The following CCDC148 variants were observed in gnomAD, a reference collection of about 807,000 sequenced individuals.
The protein encoded by CCDC148 is coiled-coil domain-containing protein 148.
In CCDC148, 89 loss-of-function variants were observed where a neutral mutation model predicts 85.7. The ratio of observed to expected loss-of-function variants is 1.04; its 90% CI spans 0.87 to 1.24. The LOEUF is 1.24. Among genes scored for constraint, CCDC148 ranks in the 50% most tolerant of loss-of-function variants. The pLI is 0.00. For synonymous variants in CCDC148, 230 were observed against 213.9 expected (o/e 1.08, Z -0.66); for missense variants, 692 against 671.7 (o/e 1.03, Z -0.33).
chr2:158,434,715 G>T (rs1275546166), intron 1 of CCDC148, among the ~76,000 whole-genome samples: 1 of 152,056 alleles, frequency 6.6e-6, no homozygotes, highest in African/African-American at 2.4e-5. Flanking sequence ...CTGCAAAGAA[G>T]CTAAAAACCT....
intron 7 of CCDC148, among the ~76,000 whole-genome samples, chr2:158,332,908 T>C (rs1243607022): frequency 6.6e-6 from 1 of 151,956 alleles, no homozygotes; most frequent in Non-Finnish European, 1.5e-5. Context: ...TTGTGTCTAC[T>C]TGATTCTTCT....
chr2:158,433,925 A>T (rs1185002882), intron 1 of CCDC148, among the ~76,000 whole-genome samples: 1 of 152,144 alleles, frequency 6.6e-6, no homozygotes, highest in African/African-American at 2.4e-5. Flanking sequence ...AGGCTGGGGG[A>T]GGGGCGTCCG....
At chr2:158,288,495 A>G (rs1690736600) in intron 9 of CCDC148, 1 of 152,652 alleles carries the variant, frequency 6.6e-6, no homozygotes, top group Non-Finnish European at 1.5e-5. Flanking sequence ...CTCAAGTTCA[A>G]AGTTCCACAA....
intron 11 of CCDC148, among the ~76,000 whole-genome samples, chr2:158,209,478 T>C (rs527512806): frequency 7.2e-5 from 11 of 152,196 alleles, no homozygotes; most frequent in Non-Finnish European, 1.6e-4. Flanking sequence ...TACTGTGTGA[T>C]GTACTGGAGG....
At chr2:158,408,215 A>ATTT (rs1686107407) in intron 1 of CCDC148, among the ~76,000 whole-genome samples, 1 of 151,964 alleles carries the variant, frequency 6.6e-6, no homozygotes, top group Admixed American at 6.6e-5. Flanking sequence ...TCACATAACC[A>ATTT]TTTTCTTTTT....
rs572837675 is a variant in CCDC148, at chr2:158,438,158, C to T, written c.25+18257G>A. 7.2e-5 allele frequency among the ~76,000 whole-genome samples: 11 copies of T among 152,222 alleles called. No homozygotes were observed. In the South Asian group the frequency reaches 8.3e-4, roughly 11 times the overall value. On this transcript the variant is annotated intron_variant, in intron 1 of 13. Transcript: ENST00000283233. Reference sequence around the variant, plus strand: ...TCATGTGGAACCAAAAAAGAGCCCGCGTTGCCAAGACAATCCTAAGCCAAA... The same window carrying T: ...TCATGTGGAACCAAAAAAGAGCCCGTGTTGCCAAGACAATCCTAAGCCAAA...
chr2:158,198,743 C>A (rs1202472928), intron 11 of CCDC148, among the ~76,000 whole-genome samples: 1 of 152,008 alleles, frequency 6.6e-6, no homozygotes, highest in Non-Finnish European at 1.5e-5. Flanking sequence ...AAATCAGAAA[C>A]AGTGAACTGA....
rs78133534 is a variant in CCDC148 at position 158,313,026 on chromosome 2, T to C, written c.903+730A>G. On this transcript the variant is annotated intron_variant, in intron 8 of 13. Transcript: ENST00000283233. Reference sequence around the variant, plus strand: ...AAAACAATTACAAAAATGCAGAGTATATAAGATGCTATAGCATGGCTCACT... The same window carrying C: ...AAAACAATTACAAAAATGCAGAGTACATAAGATGCTATAGCATGGCTCACT... Among the ~76,000 whole-genome samples, 227 of 152,360 alleles carry C rather than the reference T, an allele frequency of 1.5e-3. 1 individual carries two copies. The highest frequency in any genetic ancestry group is 5.0e-3 in the African/African-American group (206 of 41,592).
At chr2:158,438,742 T>C (rs1359810308) in intron 1 of CCDC148, among the ~76,000 whole-genome samples, 67 of 152,276 alleles carry the variant, frequency 4.4e-4, no homozygotes, top group Non-Finnish European at 8.8e-5. Flanking sequence ...GAAGGGCTAA[T>C]ATCCAGAATC....
intron 10 of CCDC148, among the ~76,000 whole-genome samples, chr2:158,240,885 A>C (rs1213309495): frequency 1.3e-5 from 2 of 152,226 alleles, no homozygotes; most frequent in African/African-American, 4.8e-5. Context: ...TAGGGCAAAA[A>C]GTCTATACTC....
intron 11 of CCDC148, among the ~76,000 whole-genome samples, chr2:158,196,197 T>C (rs1685660251): frequency 6.6e-6 from 1 of 152,160 alleles, no homozygotes; most frequent in African/African-American, 2.4e-5. Context: ...AGGTAACAAA[T>C]ACTAAAAACT....
intron 1 of CCDC148, among the ~76,000 whole-genome samples, chr2:158,371,763 C>T (rs1426046950): frequency 1.3e-5 from 2 of 151,618 alleles, no homozygotes; most frequent in Non-Finnish European, 2.9e-5. Context: ...GAATCAAAGA[C>T]AGAAATTTTT....
At chr2:158,369,446 A>AG (rs910345039) in intron 1 of CCDC148, among the ~76,000 whole-genome samples, 1 of 151,904 alleles carries the variant, frequency 6.6e-6, no homozygotes, top group Non-Finnish European at 1.5e-5. Context: ...TGTGAATGGG[A>AG]GTTTATTCAT....
chr2:158,253,514 C>A (rs1212503565), intron 9 of CCDC148, among the ~76,000 whole-genome samples: 2 of 151,592 alleles, frequency 1.3e-5, no homozygotes, highest in African/African-American at 4.8e-5. Context: ...ACTGACCATA[C>A]CATAACTGCT....
At chr2:158,220,007 C>A (rs1281504235) in intron 11 of CCDC148, among the ~76,000 whole-genome samples, 1 of 152,072 alleles carries the variant, frequency 6.6e-6, no homozygotes, top group Non-Finnish European at 1.5e-5. Flanking sequence ...CCTAATTGAC[C>A]CTAACTGATA....
intron 7 of CCDC148, among the ~76,000 whole-genome samples, chr2:158,320,606 A>G (rs1692477094): frequency 6.6e-6 from 1 of 152,208 alleles, no homozygotes; most frequent in Non-Finnish European, 1.5e-5. Flanking sequence ...ATAGCTACAC[A>G]TATTTTATTA....
At chr2:158,198,920 T>C (rs1471717574) in intron 11 of CCDC148, among the ~76,000 whole-genome samples, 2 of 152,190 alleles carry the variant, frequency 1.3e-5, no homozygotes, top group East Asian at 3.9e-4. Context: ...ACCTTGATTC[T>C]GAAACAGCTT....
intron 1 of CCDC148, among the ~76,000 whole-genome samples, chr2:158,374,914 T>A (rs1006163595): frequency 2.0e-5 from 3 of 148,734 alleles, no homozygotes; most frequent in African/African-American, 7.4e-5. Flanking sequence ...CATCTCTAAC[T>A]TATTTATAAT....
chr2:158,410,049 A>T (rs1686192595), intron 1 of CCDC148, among the ~76,000 whole-genome samples: 1 of 152,168 alleles, frequency 6.6e-6, no homozygotes, highest in South Asian at 2.1e-4. Context: ...GAGTCCATTA[A>T]AATTATTTTT....
Sources: gnomAD v4.1 joint callset for allele counts (sites outside exome capture counted in the v4.1 genomes callset) on GRCh38, gnomAD v4.1.1 for gene constraint, MANE v1.5 for transcripts, NCBI Gene and HGNC (gene_info 2026-07-23, HGNC 2026-07-21) for gene names.